The following RANBP2 variants were observed in gnomAD, a reference collection of about 807,000 sequenced individuals.
The protein encoded by RANBP2 is RAN binding protein 2, also known as E3 SUMO-protein ligase RanBP2.
A neutral mutation model predicts 303.6 loss-of-function variants in RANBP2; 57 were observed. The observed-to-expected ratio is 0.19, with a 90% CI of 0.15 to 0.23. RANBP2 has a LOEUF of 0.23. Ranked by LOEUF, RANBP2 falls within the 10% of genes least tolerant of loss-of-function variation. The probability of loss-of-function intolerance (pLI) is 1.00; values close to 1 mark genes in which losing one functional copy is unlikely to be tolerated. For synonymous variants in RANBP2, 1,167 were observed against 1,301.5 expected (o/e 0.90, Z 2.23); for missense variants, 3,138 against 3,780.8 (o/e 0.83, Z 4.46).
the RANBP2 span, chr2:108,910,654 C>A: frequency 1.1e-5 from 16 of 1,418,320 alleles, no homozygotes; most frequent in Non-Finnish European, 1.6e-5. Context: ...CACCACCCCA[C>A]GGTAAGCACA....
the RANBP2 span, among the ~76,000 whole-genome samples, chr2:109,253,029 TC>T: frequency 4.6e-5 from 7 of 152,140 alleles, no homozygotes; most frequent in African/African-American, 1.4e-4. Context: ...ACTTTTTTTT[TC>T]TTTTTTTTTA....
chr2:109,184,936 T>G, the RANBP2 span, among the ~76,000 whole-genome samples: 1 of 152,364 alleles, frequency 6.6e-6, no homozygotes, highest in African/African-American at 2.4e-5. Context: ...ATATACATTT[T>G]CCATTTATTT....
chr2:109,370,404 T>C, the RANBP2 span, among the ~76,000 whole-genome samples: 1 of 152,134 alleles, frequency 6.6e-6, no homozygotes, highest in East Asian at 1.9e-4. Context: ...CATGCCCGGC[T>C]TATTTTTGTC....
chr2:108,788,093 A>G (rs753328015), downstream of RANBP2: 6 of 1,603,808 alleles, frequency 3.7e-6, no homozygotes, highest in Middle Eastern at 1.8e-4. Flanking sequence ...TCCCCAGGTA[A>G]GCCGGTATTT....
At chr2:109,545,483 C>A in the RANBP2 span, 18 of 1,536,158 alleles carry the variant, frequency 1.2e-5, no homozygotes, top group Non-Finnish European at 1.6e-5. Context: ...TTTACGTCCA[C>A]CATTGGTTTC....
chr2:109,306,855 G>T, the RANBP2 span, among the ~76,000 whole-genome samples: 1 of 152,220 alleles, frequency 6.6e-6, no homozygotes, highest in African/African-American at 2.4e-5. Context: ...TGAGTAAGCT[G>T]CAGGAGAGCC....
chr2:109,585,168 A>ACC, the RANBP2 span: 3 of 1,608,612 alleles, frequency 1.9e-6, no homozygotes, highest in Admixed American at 5.1e-5. Flanking sequence ...CACTGTATTC[A>ACC]CAATGGTCAA....
the RANBP2 span, among the ~76,000 whole-genome samples, chr2:109,149,296 G>A: frequency 6.6e-6 from 1 of 152,324 alleles, no homozygotes; most frequent in Non-Finnish European, 1.5e-5. Context: ...AGATCCATTG[G>A]CTTAGAGCTG....
At chr2:109,335,934 C>G in the RANBP2 span, among the ~76,000 whole-genome samples, 1 of 152,146 alleles carries the variant, frequency 6.6e-6, no homozygotes, top group East Asian at 1.9e-4. Context: ...AAAAAAGACA[C>G]TTGGGGGCTG....
chr2:109,072,480 C>G, the RANBP2 span, among the ~76,000 whole-genome samples: 1 of 152,172 alleles, frequency 6.6e-6, no homozygotes, highest in South Asian at 2.1e-4. Flanking sequence ...GGTTTTCAAG[C>G]CTCCAGCTTC....
rs1371224341 is a variant in RANBP2 at position 108,730,774 on chromosome 2, A to G, written c.141A>G (p.Lys47=). The G allele has an allele frequency of 1.9e-6, 3 of 1,610,962 alleles. No homozygotes were observed. Among genetic ancestry groups the G allele is most frequent in the South Asian group, 2.2e-5 (2 of 90,846 alleles). Residue 47 remains lysine (K), a splice_region_variant and synonymous_variant, in exon 3 of 29, where the codon AAA becomes AAG. Transcript: ENST00000283195. ...CTTTTGTATTACTTTTAAAAAACAGATACATATGTACTTACATTAATGTGC... is the reference window on the plus strand; with the variant it reads ...CTTTTGTATTACTTTTAAAAAACAGGTACATATGTACTTACATTAATGTGC... ...YEAKEYDLAK[K]YICTYINVQE...
At chr2:108,923,141 G>A in the RANBP2 span, among the ~76,000 whole-genome samples, 3 of 152,170 alleles carry the variant, frequency 2.0e-5, no homozygotes, top group Non-Finnish European at 4.4e-5. Flanking sequence ...CAGGTAGCTG[G>A]TGGCCAACCT....
At chr2:109,425,040 G>A in the RANBP2 span, among the ~76,000 whole-genome samples, 1 of 152,224 alleles carries the variant, frequency 6.6e-6, no homozygotes, top group Non-Finnish European at 1.5e-5. Context: ...GGGAACACAC[G>A]AATTATAAGA....
chr2:109,377,631 T>C, the RANBP2 span, among the ~76,000 whole-genome samples: 963 of 152,336 alleles, frequency 6.3e-3, 10 homozygotes, highest in East Asian at 0.047. Context: ...TGAAAATCTT[T>C]ATTTAGTGAA....
chr2:109,025,539 G>A, the RANBP2 span, among the ~76,000 whole-genome samples: 1 of 152,202 alleles, frequency 6.6e-6, no homozygotes, highest in Non-Finnish European at 1.5e-5. Context: ...CGGGTGCGGT[G>A]GCTCACGCCT....
At chr2:108,966,002 C>T in the RANBP2 span, among the ~76,000 whole-genome samples, 24 of 152,306 alleles carry the variant, frequency 1.6e-4, no homozygotes, top group Middle Eastern at 3.4e-3. Context: ...CTTTGAGTGA[C>T]ACCTTCCCTT....
chr2:108,793,191 AC>A, the RANBP2 span, among the ~76,000 whole-genome samples: 1 of 137,608 alleles, frequency 7.3e-6, no homozygotes, highest in African/African-American at 2.9e-5. Context: ...CCCTGTCTCT[AC>A]TAAAAAAAAA....
the RANBP2 span, among the ~76,000 whole-genome samples, chr2:109,361,840 C>T: frequency 6.6e-6 from 1 of 152,192 alleles, no homozygotes; most frequent in Non-Finnish European, 1.5e-5. Context: ...TCCATTTCAT[C>T]TGGGTTATCA....
the RANBP2 span, chr2:109,543,228 G>C: frequency 1.3e-5 from 2 of 152,494 alleles, no homozygotes; most frequent in East Asian, 3.9e-4. Flanking sequence ...TTAATAAAAT[G>C]ATTCAACCTT....
Sources: gnomAD v4.1 joint callset for allele counts (sites outside exome capture counted in the v4.1 genomes callset) on GRCh38, gnomAD v4.1.1 for gene constraint, MANE v1.5 for transcripts, NCBI Gene and HGNC (gene_info 2026-07-23, HGNC 2026-07-21) for gene names.